KANSL1: variants seen among roughly 807,000 people sequenced by gnomAD.
KANSL1 encodes the protein MLL1/MLL complex subunit KANSL1.
In KANSL1, 22 loss-of-function variants were observed where a neutral mutation model predicts 103.6. That is an observed-to-expected ratio of 0.21 (90% CI 0.15 to 0.30). The LOEUF is 0.30. Ranked by LOEUF, KANSL1 falls within the 10% of genes least tolerant of loss-of-function variation. The pLI is 1.00. For missense variants in KANSL1, 1,337 were observed against 1,399.8 expected (o/e 0.96, Z 0.72); for synonymous variants, 600 against 527.6 (o/e 1.14, Z -1.88).
chr17:46,134,758 T>G (rs924971184), intron 2 of KANSL1, among the ~76,000 whole-genome samples: 1 of 151,670 alleles, frequency 6.6e-6, no homozygotes. Context: ...GGCAGGAGAA[T>G]CACTTCAATC....
chr17:46,141,673 A>G (rs548768070), intron 2 of KANSL1, among the ~76,000 whole-genome samples: 1 of 152,346 alleles, frequency 6.6e-6, no homozygotes, highest in Admixed American at 6.5e-5. Context: ...CCCTAAATGA[A>G]TCTAGTAAAA....
At chr17:46,089,280 C>T (rs17660251) in intron 3 of KANSL1, among the ~76,000 whole-genome samples, 21,624 of 151,728 alleles carry the variant, frequency 0.14, 2,118 homozygotes, top group Non-Finnish European at 0.22. Flanking sequence ...CTCCAGAGAG[C>T]AATATTATTC....
chr17:46,175,208 A>G (rs142645122), intron 1 of KANSL1, among the ~76,000 whole-genome samples: 23 of 152,194 alleles, frequency 1.5e-4, no homozygotes, highest in African/African-American at 5.3e-4. Flanking sequence ...TCTTTATAGT[A>G]TGACAATTTG....
chr17:46,214,015 A>ATTT (rs2048260321), intron 1 of KANSL1, among the ~76,000 whole-genome samples: 2 of 152,228 alleles, frequency 1.3e-5, no homozygotes, highest in South Asian at 4.1e-4. Flanking sequence ...AACATCACAG[A>ATTT]CCTAAATATT....
chr17:46,035,807 A>ATAAC (rs2077129425), intron 10 of KANSL1: 1 of 152,144 alleles, frequency 6.6e-6, no homozygotes. Context: ...GCTTGTTGTT[A>ATAAC]GTACCTTCGA....
intron 1 of KANSL1, among the ~76,000 whole-genome samples, chr17:46,185,119 G>A (rs1043077102): frequency 1.2e-4 from 19 of 152,146 alleles, no homozygotes; most frequent in African/African-American, 3.4e-4. Context: ...GAGCCGCCAC[G>A]CCTGGCCAAC....
At chr17:46,205,616 G>A (rs1170169576) in intron 1 of KANSL1, among the ~76,000 whole-genome samples, 2 of 145,824 alleles carry the variant, frequency 1.4e-5, no homozygotes, top group Non-Finnish European at 3.0e-5. Flanking sequence ...AGGAGGCGGA[G>A]GTTGCAATGA....
intron 1 of KANSL1, among the ~76,000 whole-genome samples, chr17:46,181,554 C>T (rs2046795941): frequency 6.6e-6 from 1 of 152,198 alleles, no homozygotes; most frequent in African/African-American, 2.4e-5. Context: ...CACAACCTCC[C>T]GAGCAGCTGG....
intron 10 of KANSL1, chr17:46,038,207 G>C: frequency 8.2e-6 from 2 of 244,820 alleles, no homozygotes; most frequent in Non-Finnish European, 7.8e-6. Flanking sequence ...TTAGGGCCAC[G>C]GAACTGTTGA....
chr17:46,067,612 A>G lies in KANSL1; in HGVS notation c.1589T>C (p.Ile530Thr). The G allele has an allele frequency of 6.2e-7, 1 of 1,608,830 alleles. No homozygotes were observed. The highest frequency in any genetic ancestry group is 8.5e-7 in the Non-Finnish European group (1 of 1,175,184). The change falls in exon 5 of 15, where the codon ATT (isoleucine) becomes ACT (threonine). Residue 530 changes from isoleucine to threonine, a missense_variant. Ile to Thr is a moderately conservative substitution (Grantham distance 89, BLOSUM62 -1). This residue lies in a region of KANSL1 where 780 missense variants were observed against 923.4 expected (regional missense o/e 0.84). Transcript: ENST00000432791. ...ENHGAPIIGH[I>T]SESLSTKSCG... ...TGATTTGGTAGACAGTGACTCTGAAATATGACCAATAATAGGGGCACCATG... is the reference window on the plus strand; with the variant it reads ...TGATTTGGTAGACAGTGACTCTGAAGTATGACCAATAATAGGGGCACCATG...
intron 4 of KANSL1, among the ~76,000 whole-genome samples, chr17:46,081,667 A>G (rs1286062641): frequency 5.3e-5 from 8 of 152,232 alleles, no homozygotes; most frequent in Admixed American, 5.2e-4. Flanking sequence ...TAAAAGAACT[A>G]TAAGGTTGGT....
chr17:46,071,837 C>A (rs1363094251), intron 4 of KANSL1, among the ~76,000 whole-genome samples: 1 of 147,178 alleles, frequency 6.8e-6, no homozygotes. Flanking sequence ...CATCCCACAG[C>A]CAGAAAGAAA....
At chr17:46,046,591 A>G (rs1209188835) in intron 7 of KANSL1, among the ~76,000 whole-genome samples, 1 of 146,930 alleles carries the variant, frequency 6.8e-6, no homozygotes, top group Non-Finnish European at 1.5e-5. Flanking sequence ...TAATCCCAGC[A>G]CTTTGGGAGG....
chr17:46,200,761 A>ATT (rs1275552687), intron 1 of KANSL1, among the ~76,000 whole-genome samples: 6 of 148,912 alleles, frequency 4.0e-5, no homozygotes, highest in African/African-American at 1.5e-4. Context: ...ATATATATAT[A>ATT]TTTTTCTTTT....
chr17:46,217,058 T>C (rs1243865053), intron 1 of KANSL1, among the ~76,000 whole-genome samples: 2 of 144,788 alleles, frequency 1.4e-5, no homozygotes, highest in Non-Finnish European at 3.0e-5. Flanking sequence ...GAGGTTGCAG[T>C]GATCCAAGTG....
intron 2 of KANSL1, among the ~76,000 whole-genome samples, chr17:46,167,073 GGAGA>G (rs989345027): frequency 6.6e-6 from 1 of 150,654 alleles, no homozygotes; most frequent in African/African-American, 2.5e-5. Context: ...AAAAAACTTA[GGAGA>G]GAGAGACCTA....
chr17:46,096,311 C>CTTTTTTTTTTTTTTTTTATTTTTTTTTTT (rs2042071203), intron 2 of KANSL1, among the ~76,000 whole-genome samples: 1 of 76,408 alleles, frequency 1.3e-5, no homozygotes, highest in Non-Finnish European at 2.5e-5. Context: ...GCTTTTTTTT[C>CTTTTTTTTTTTTTTTTTATTTTTTTTTTT]TTTTTTTTTT....
intron 2 of KANSL1, among the ~76,000 whole-genome samples, chr17:46,113,542 G>A (rs1169932808): frequency 6.6e-6 from 1 of 152,114 alleles, no homozygotes; most frequent in African/African-American, 2.4e-5. Context: ...AGGTATAAGT[G>A]GGGCAAACTG....
At chr17:46,142,383 GGCAGGAGGACTGCTTGAGT>G (rs528155064) in intron 2 of KANSL1, among the ~76,000 whole-genome samples, 233 of 152,326 alleles carry the variant, frequency 1.5e-3, no homozygotes, top group African/African-American at 5.5e-3. Context: ...GGGAGGCCAA[GGCAGGAGGACTGCTTGAGT>G]CCAGGAGTTT....
Sources: allele counts gnomAD v4.1 joint callset (sites outside exome capture counted in the v4.1 genomes callset), GRCh38; gene constraint gnomAD v4.1.1; regional missense constraint gnomAD v4.1.1; transcripts MANE v1.5; gene names NCBI Gene and HGNC (gene_info 2026-07-23, HGNC 2026-07-21).